NIPA2: variants seen among roughly 807,000 people sequenced by gnomAD.
The protein encoded by NIPA2 is magnesium transporter NIPA2.
A neutral mutation model predicts 29.7 loss-of-function variants in NIPA2; 11 were observed. The ratio of observed to expected loss-of-function variants is 0.37; its 90% confidence interval spans 0.23 to 0.61. The LOEUF (loss-of-function observed/expected upper bound fraction) is 0.61, where lower values mean the gene tolerates loss of function less well. Ranked by LOEUF, NIPA2 falls within the 20% of genes least tolerant of loss-of-function variation. The pLI is 0.66. For missense variants in NIPA2, 426 were observed against 437.9 expected, an observed-to-expected ratio of 0.97 and a Z score of 0.24; for synonymous variants, 183 against 161.9, an observed-to-expected ratio of 1.13 and a Z score of -0.99.
intron 6 of NIPA2, 65 bp downstream of exon 6, chr15:22,858,695 A>G: frequency 2.1e-6 from 2 of 930,496 alleles, no homozygotes; most frequent in Non-Finnish European, 3.1e-6. Context: ...ATTCAGTACC[A>G]TCTAATTAAA....
At chr15:22,852,002 T>C in intron 4 of NIPA2, 132 bp downstream of exon 4, 3 of 759,894 alleles carry the variant, frequency 3.9e-6, no homozygotes, top group Non-Finnish European at 4.2e-6. Context: ...GTTCTAAATG[T>C]TTACAAAGTT....
intron 5 of NIPA2, among the ~76,000 whole-genome samples, chr15:22,854,060 C>T (rs552539966): frequency 3.3e-5 from 5 of 150,536 alleles, no homozygotes; most frequent in East Asian, 4.1e-4. Context: ...CTCTTGACCT[C>T]GTGATCCGCC....
chr15:22,867,828 T>G lies in NIPA2; in HGVS notation c.*981T>G, dbSNP rs1486428800. 1 of 146,988 alleles carries G rather than the reference T, an allele frequency of 6.8e-6. No individual in the cohort carries two copies. Among genetic ancestry groups the G allele is most frequent in the East Asian group, 2.0e-4 (1 of 5,042 alleles). The allele number at this position is 146,988 out of a possible 1,614,324, so 9.1% of individuals were successfully genotyped here. A position where few individuals can be genotyped will look rare whatever the true frequency, so the allele number is the denominator to read the frequency against. Reference sequence around the variant, plus strand: ...TTAAGAGCTCCTTTGGGCCACTACATATTTTGGTTTCTAGAAAATGTTTGT... The same window carrying G: ...TTAAGAGCTCCTTTGGGCCACTACAGATTTTGGTTTCTAGAAAATGTTTGT... On this transcript the variant is annotated 3_prime_UTR_variant, in exon 8 of 8. Coordinates refer to ENST00000337451, the MANE Select transcript of NIPA2 (RefSeq NM_030922.7).
At chr15:22,849,721 G>A (rs1256302279) in intron 3 of NIPA2, among the ~76,000 whole-genome samples, 2 of 151,858 alleles carry the variant, frequency 1.3e-5, no homozygotes, top group African/African-American at 2.4e-5. Context: ...CACCACTTCC[G>A]GCTAATTTTG....
Position 22,851,978 on chromosome 15 carries a change from T to G in NIPA2, c.139+108T>G, listed in dbSNP as rs962420483. The G allele has an allele frequency of 6.5e-5, 62 of 955,106 alleles. No individual in the cohort carries two copies. In the Admixed American group the frequency reaches 1.4e-3, roughly 22 times the overall value. The allele number at this position is 955,106 out of a possible 1,614,324, so 59.2% of individuals were successfully genotyped here. On this transcript the variant is annotated intron_variant, in intron 4 of 7. Coordinates refer to ENST00000337451, the MANE Select transcript of NIPA2 (RefSeq NM_030922.7). ...TTCCTCGTGAGTGTATTTGAAACTTTGAATTGTTCAAGAGTTCTAAATGTT... is the reference window on the plus strand; with the variant it reads ...TTCCTCGTGAGTGTATTTGAAACTTGGAATTGTTCAAGAGTTCTAAATGTT...
chr15:22,866,230 A>C lies in NIPA2; in HGVS notation c.466A>C (p.Thr156Pro), dbSNP rs1484142941. The part of the protein sequence containing the change: ...LGDPGFVVFA[T>P]LVVIVALILI... ...TCCTCCAGGTTTTGTGGTCTTTGCA[A>C]CCCTTGTGGTCATTGTGGCCTTGAT... is the stretch of plus-strand genomic sequence containing the variant. Residue 156 changes from threonine (T) to proline (P), a missense_variant, in exon 8 of 8, where the codon ACC becomes CCC. By Grantham distance (38) the Thr-to-Pro change is conservative. Coordinates refer to ENST00000337451, the MANE Select transcript of NIPA2 (RefSeq NM_030922.7). 1.2e-6 allele frequency: 2 copies of C among 1,611,846 alleles called. No homozygotes were observed. The highest frequency in any genetic ancestry group is 1.7e-6 in the Non-Finnish European group (2 of 1,178,296).
Position 22,867,395 on chromosome 15 carries a change from A to G in NIPA2, c.*548A>G. The stretch of plus-strand genomic sequence containing the variant: ...GGAACCTCTTTCTTACAAAACAAAA[A>G]AAAGGGCAGAAATCACCCCAAGGAA... On this transcript the variant is annotated 3_prime_UTR_variant, in exon 8 of 8. Transcript: ENST00000337451. 1 of 386,144 alleles carries G rather than the reference A, an allele frequency of 2.6e-6. No individual in the cohort carries two copies. The highest frequency in any genetic ancestry group is 4.6e-6 in the Non-Finnish European group (1 of 219,240). 23.9% of individuals were successfully genotyped at this position (386,144 alleles called of 1,614,324 possible). A position where few individuals can be genotyped will look rare whatever the true frequency, so the allele number is the denominator to read the frequency against.
At chr15:22,860,848 T>C (rs1440205344) in intron 7 of NIPA2, 59 bp downstream of exon 7, 6 of 1,340,450 alleles carry the variant, frequency 4.5e-6, no homozygotes, top group Non-Finnish European at 6.2e-6. Context: ...GTTTTTACTT[T>C]AATCGAAATT....
intron 3 of NIPA2, among the ~76,000 whole-genome samples, chr15:22,846,110 T>C (rs1898556722): frequency 6.6e-6 from 1 of 152,172 alleles, no homozygotes; most frequent in Admixed American, 6.5e-5. Context: ...TGGACGGAAG[T>C]TTCTTAGTCT....
At chr15:22,849,649 TC>T (rs1276465048) in intron 3 of NIPA2, among the ~76,000 whole-genome samples, 1 of 151,930 alleles carries the variant, frequency 6.6e-6, no homozygotes, top group Admixed American at 6.6e-5. Flanking sequence ...AAGCTCCCCG[TC>T]CCAGGTTCAT....
intron 2 of NIPA2, among the ~76,000 whole-genome samples, chr15:22,842,338 A>G (rs1897302080): frequency 6.6e-6 from 1 of 152,192 alleles, no homozygotes; most frequent in South Asian, 2.1e-4. Context: ...AGCAGGTTAG[A>G]ATAGCAGCAG....
In NIPA2 at chr15:22,842,523, A is replaced by AC. The variant is rs1897349630; in HGVS notation, c.-215-2622dup. 1.3e-5 allele frequency among the ~76,000 whole-genome samples: 2 copies of AC among 151,070 alleles called. 1 individual carries two copies. The highest frequency in any genetic ancestry group is 4.2e-4 in the South Asian group (2 of 4,796). On this transcript the variant is annotated intron_variant, in intron 2 of 7. Coordinates refer to ENST00000337451, the MANE Select transcript of NIPA2 (RefSeq NM_030922.7). The stretch of plus-strand genomic sequence containing the variant: ...GCTAACATGGTGAAACCCCATCTCT[A>AC]CTAAAAAAAAAACCCAAAATATTGG...
intron 3 of NIPA2, among the ~76,000 whole-genome samples, chr15:22,847,067 C>CT (rs1386436682): frequency 6.6e-5 from 10 of 151,460 alleles, no homozygotes; most frequent in Non-Finnish European, 1.3e-4. Flanking sequence ...CCATGCCCTG[C>CT]TAATTTTTTT....
intron 6 of NIPA2, 23 bp from the exon 7 acceptor site, chr15:22,860,606 A>AT (rs775841219): frequency 2.6e-5 from 39 of 1,493,786 alleles, no homozygotes; most frequent in Middle Eastern, 1.8e-4. Flanking sequence ...AAAGTTCTCA[A>AT]TTTTTTTTCC....
intron 5 of NIPA2, among the ~76,000 whole-genome samples, chr15:22,854,838 C>T (rs2058064436): frequency 6.6e-6 from 1 of 152,152 alleles, no homozygotes; most frequent in Admixed American, 6.5e-5. Flanking sequence ...TCAAGTCTTT[C>T]TATTTGTCGT....
At chr15:22,851,107 C>G (rs1381087632) in intron 3 of NIPA2, among the ~76,000 whole-genome samples, 1 of 152,192 alleles carries the variant, frequency 6.6e-6, no homozygotes, top group Non-Finnish European at 1.5e-5. Context: ...AGACACCTCT[C>G]TGCAAGAATT....
intron 2 of NIPA2, among the ~76,000 whole-genome samples, chr15:22,841,883 A>G (rs1897186869): frequency 6.6e-6 from 1 of 151,980 alleles, no homozygotes; most frequent in East Asian, 1.9e-4. Flanking sequence ...TGTTTAGGAA[A>G]CTGCACACCC....
chr15:22,846,821 TAA>T (rs1442269841), intron 3 of NIPA2, among the ~76,000 whole-genome samples: 1 of 96,444 alleles, frequency 1.0e-5, no homozygotes, highest in South Asian at 3.7e-4. Context: ...GTCTCCAAAA[TAA>T]TAATAATAAT....
intron 3 of NIPA2, among the ~76,000 whole-genome samples, chr15:22,849,765 G>C (rs893644661): frequency 6.6e-6 from 1 of 151,796 alleles, no homozygotes; most frequent in Admixed American, 6.6e-5. Context: ...GGGTTTCACC[G>C]TGTTAGCCAG....
Sources: allele counts gnomAD v4.1 joint callset (sites outside exome capture counted in the v4.1 genomes callset), GRCh38; gene constraint gnomAD v4.1.1; transcripts MANE v1.5; gene names NCBI Gene and HGNC (gene_info 2026-07-23, HGNC 2026-07-21).